Variants in PCP4 observed in about 807,000 individuals in gnomAD.
PCP4 encodes calmodulin regulator protein PCP4.
A neutral mutation model predicts 10.0 loss-of-function variants in PCP4; 8 were observed. The observed-to-expected ratio is 0.80, with a 90% CI of 0.47 to 1.45. The LOEUF is 1.45. PCP4 is among the 40% of genes most tolerant of loss of function. The pLI is 0.00. For missense variants in PCP4, 54 were observed against 74.4 expected, an observed-to-expected ratio of 0.73 and a Z score of 1.01; for synonymous variants, 21 against 23.0, an observed-to-expected ratio of 0.91 and a Z score of 0.24.
chr21:39,928,946 T>A (rs2087637703), intron 2 of PCP4, 38 bp from the exon 3 acceptor site: 2 of 1,598,696 alleles, frequency 1.3e-6, no homozygotes, highest in Admixed American at 3.4e-5. Context: ...TATTTTCAGC[T>A]CAGTGATTGC....
At chr21:39,878,164 C>T (rs78767481) in intron 1 of PCP4, among the ~76,000 whole-genome samples, 36 of 152,236 alleles carry the variant, frequency 2.4e-4, no homozygotes, top group Middle Eastern at 3.4e-3. Context: ...CTGGTGTCCA[C>T]GCAGAGCTAC....
In PCP4 at chr21:39,906,304, C is replaced by T. The variant is rs2087509422; in HGVS notation, c.61+7777C>T. On this transcript the variant is annotated intron_variant, in intron 2 of 2. Transcript: ENST00000328619. The surrounding 1 kb of genome is among the most constrained non-coding windows in gnomAD (Gnocchi z 6.3). ...ACTTGGATGGGCTGTGGTCTAAGCCCCTGGAACAGAATAAAGTTAATGGGC... is the reference window on the plus strand; with the variant it reads ...ACTTGGATGGGCTGTGGTCTAAGCCTCTGGAACAGAATAAAGTTAATGGGC... Among the ~76,000 whole-genome samples, 1 of 152,126 alleles carries T rather than the reference C, an allele frequency of 6.6e-6. No individual in the cohort carries two copies. Among genetic ancestry groups the T allele is most frequent in the African/African-American group, 2.4e-5 (1 of 41,422 alleles).
chr21:39,870,834 C>T (rs1477989426), intron 1 of PCP4, among the ~76,000 whole-genome samples: 1 of 152,220 alleles, frequency 6.6e-6, no homozygotes, highest in African/African-American at 2.4e-5. Flanking sequence ...GTTTCACGGT[C>T]ATGGGCTGGG....
chr21:39,890,355 T>C (rs933827381), intron 1 of PCP4, among the ~76,000 whole-genome samples: 1 of 152,140 alleles, frequency 6.6e-6, no homozygotes, highest in Admixed American at 6.5e-5. Context: ...TATTTCGTTA[T>C]CTATTTATTT....
At chr21:39,897,407 TA>T (rs1355700223) in intron 1 of PCP4, among the ~76,000 whole-genome samples, 2 of 149,734 alleles carry the variant, frequency 1.3e-5, no homozygotes, top group Non-Finnish European at 3.0e-5. Context: ...AAAAAAAAGT[TA>T]GAGACTTTAT....
At chr21:39,872,610 G>A (rs1329102121) in intron 1 of PCP4, among the ~76,000 whole-genome samples, 1 of 152,122 alleles carries the variant, frequency 6.6e-6, no homozygotes, top group Non-Finnish European at 1.5e-5. Context: ...AGTATTATAG[G>A]CTGCATAGTA....
At chr21:39,896,974 G>T (rs1165082970) in intron 1 of PCP4, among the ~76,000 whole-genome samples, 1 of 152,010 alleles carries the variant, frequency 6.6e-6, no homozygotes, top group Non-Finnish European at 1.5e-5. Flanking sequence ...TCAGATAGTG[G>T]CATCACAGTA....
At chr21:39,897,952 A>C (rs1295875339) in intron 1 of PCP4, among the ~76,000 whole-genome samples, 2 of 148,536 alleles carry the variant, frequency 1.3e-5, no homozygotes, top group Non-Finnish European at 3.0e-5. Flanking sequence ...AGGCTGAAGC[A>C]GGAGAATGGT....
chr21:39,905,839 G>A (rs2087504739), intron 2 of PCP4, among the ~76,000 whole-genome samples: 1 of 152,122 alleles, frequency 6.6e-6, no homozygotes, highest in East Asian at 1.9e-4. Flanking sequence ...ACGAGGTCAG[G>A]AGATCGAGAC....
At chr21:39,908,701 C>T (rs1156481717) in intron 2 of PCP4, among the ~76,000 whole-genome samples, 1 of 151,980 alleles carries the variant, frequency 6.6e-6, no homozygotes. Flanking sequence ...GGTGGGAGTG[C>T]CCGCGGCTCC....
At position 39,907,264 on chromosome 21, in the gene PCP4, G is replaced by T. The variant is rs555545436; in HGVS notation, c.61+8737G>T. 2.4e-4 allele frequency among the ~76,000 whole-genome samples: 36 copies of T among 152,168 alleles called. 1 individual carries two copies. The highest frequency in any genetic ancestry group is 1.3e-4 in the Admixed American group (2 of 15,300). ...AAGAGTCAGCCTTGCAGCCCTGGGC[G>T]TGTCTCCAGGATACCCTTAGAGCAA... On this transcript the variant is annotated intron_variant, in intron 2 of 2. Coordinates refer to ENST00000328619, the MANE Select transcript of PCP4 (RefSeq NM_006198.3).
At chr21:39,902,981 A>G (rs2087488257) in intron 2 of PCP4, among the ~76,000 whole-genome samples, 1 of 152,220 alleles carries the variant, frequency 6.6e-6, no homozygotes, top group Non-Finnish European at 1.5e-5. Flanking sequence ...AATCTAGATT[A>G]TTCACCACAA....
At chr21:39,899,296 G>A (rs1031224305) in intron 2 of PCP4, among the ~76,000 whole-genome samples, 3 of 152,302 alleles carry the variant, frequency 2.0e-5, no homozygotes, top group Middle Eastern at 3.4e-3. Context: ...GTTCCGGTGA[G>A]GTGAGACTCT....
At chr21:39,891,549 A>C (rs2087431422) in intron 1 of PCP4, among the ~76,000 whole-genome samples, 2 of 152,208 alleles carry the variant, frequency 1.3e-5, no homozygotes, top group Non-Finnish European at 2.9e-5. Context: ...GATTGTAATA[A>C]ATAAAGGCAT....
intron 1 of PCP4, among the ~76,000 whole-genome samples, chr21:39,884,690 G>A (rs576998966): frequency 6.6e-5 from 10 of 151,978 alleles, no homozygotes; most frequent in African/African-American, 9.6e-5. Context: ...CCAGCTACTC[G>A]GGAGGCTGAG....
chr21:39,926,065 T>G (rs1205811157), intron 2 of PCP4: 1 of 456,142 alleles, frequency 2.2e-6, no homozygotes, highest in South Asian at 1.5e-5. Flanking sequence ...CCCATTCTCT[T>G]CCTTACACAC....
intron 1 of PCP4, among the ~76,000 whole-genome samples, chr21:39,877,883 A>G (rs933023083): frequency 2.0e-5 from 3 of 152,182 alleles, no homozygotes; most frequent in Non-Finnish European, 4.4e-5. Context: ...TAACATACAC[A>G]ATTTTTAGAA....
At chr21:39,908,409 CT>C (rs2087523286) in intron 2 of PCP4, among the ~76,000 whole-genome samples, 1 of 152,274 alleles carries the variant, frequency 6.6e-6, no homozygotes, top group African/African-American at 2.4e-5. Flanking sequence ...GGATACAGAG[CT>C]GTTCACACCT....
Position 39,929,187 on chromosome 21 carries a change from C to A in PCP4, c.*76C>A. The A allele has an allele frequency of 2.7e-6, 4 of 1,458,552 alleles. No homozygotes were observed. The highest frequency in any genetic ancestry group is 3.7e-6 in the Non-Finnish European group (4 of 1,069,610). The allele number at this position is 1,458,552 out of a possible 1,614,324, so 90.4% of individuals were successfully genotyped here. A position where few individuals can be genotyped will look rare whatever the true frequency, so the allele number is the denominator to read the frequency against. ...CTGTCAAGAAATTAAAAGAACAACA[C>A]CCTAGAGAGAAGTCATCCACACACA... On this transcript the variant is annotated 3_prime_UTR_variant, in exon 3 of 3. Transcript: ENST00000328619.
Sources: allele counts gnomAD v4.1 joint callset (sites outside exome capture counted in the v4.1 genomes callset), GRCh38; gene constraint gnomAD v4.1.1; non-coding constraint Gnocchi (gnomAD v3.1); transcripts MANE v1.5; gene names NCBI Gene and HGNC (gene_info 2026-07-23, HGNC 2026-07-21).